Variants in BAZ2B observed in about 807,000 individuals in gnomAD.
BAZ2B encodes the protein bromodomain adjacent to zinc finger domain protein 2B.
Under a neutral mutation model 246.0 loss-of-function variants are expected in BAZ2B, and 91 were observed. That is an observed-to-expected ratio of 0.37 (90% CI 0.31 to 0.44). BAZ2B has a LOEUF of 0.44. BAZ2B is among the 20% of genes least tolerant of loss of function. BAZ2B has a pLI of 1.00. For missense variants in BAZ2B, 2,332 were observed against 2,533.7 expected (o/e 0.92, Z 1.71); for synonymous variants, 855 against 860.0 (o/e 0.99, Z 0.10).
At chr2:159,431,332 A>G (rs2071075287) in intron 9 of BAZ2B, among the ~76,000 whole-genome samples, 176 bp from the exon 10 acceptor site, 2 of 152,218 alleles carry the variant, frequency 1.3e-5, no homozygotes, top group African/African-American at 4.8e-5. Flanking sequence ...TAGGCTATCA[A>G]TCTTCAAAAA....
chr2:159,361,512 A>G (rs1276922180), intron 27 of BAZ2B, among the ~76,000 whole-genome samples: 2 of 152,238 alleles, frequency 1.3e-5, no homozygotes, highest in Admixed American at 6.5e-5. Context: ...GGTAGTGTAC[A>G]TTAGTTCAAC....
intron 2 of BAZ2B, among the ~76,000 whole-genome samples, chr2:159,481,596 A>G (rs1040431882): frequency 6.6e-6 from 1 of 151,976 alleles, no homozygotes; most frequent in Non-Finnish European, 1.5e-5. Context: ...TGGAGAAACA[A>G]CATTACCTAT....
At chr2:159,559,636 G>C (rs1004181066) in intron 1 of BAZ2B, among the ~76,000 whole-genome samples, 1 of 152,118 alleles carries the variant, frequency 6.6e-6, no homozygotes, top group African/African-American at 2.4e-5. Flanking sequence ...CCTCATGGTA[G>C]CAATTTTTAT....
intron 13 of BAZ2B, among the ~76,000 whole-genome samples, chr2:159,427,368 G>A (rs2070140626): frequency 6.6e-6 from 1 of 152,086 alleles, no homozygotes; most frequent in South Asian, 2.1e-4. Context: ...AAAGGGAGCT[G>A]TGGTGATATG....
intron 27 of BAZ2B, among the ~76,000 whole-genome samples, chr2:159,358,046 C>T (rs2059301355): frequency 6.6e-6 from 1 of 152,174 alleles, no homozygotes. Context: ...TATGAAGAAA[C>T]TGCATCAACT....
chr2:159,526,703 T>C (rs1304840325), intron 2 of BAZ2B, among the ~76,000 whole-genome samples: 1 of 152,102 alleles, frequency 6.6e-6, no homozygotes, highest in African/African-American at 2.4e-5. Context: ...AAAATGAATG[T>C]CTTTTGGCAG....
chr2:159,519,210 C>CTTTTTTTTTTTTTTTTTTTTTTT lies in BAZ2B; in HGVS notation c.-3+36590_-3+36612dup, dbSNP rs564614568. On this transcript the variant is annotated intron_variant, in intron 2 of 36. Transcript: ENST00000392783. ...AAATTCCAACTTCATATTCTATTTT[C>CTTTTTTTTTTTTTTTTTTTTTTT]TTTTTTTTTTTTTTTTTTTTTTTTT... 1.4e-4 allele frequency among the ~76,000 whole-genome samples: 8 copies of CTTTTTTTTTTTTTTTTTTTTTTT among 57,770 alleles called. 1 individual carries two copies. The highest frequency in any genetic ancestry group is 2.3e-4 in the Admixed American group (1 of 4,336). 37.9% of individuals were successfully genotyped at this position (57,770 alleles called of 152,430 possible). A position where few individuals can be genotyped will look rare whatever the true frequency, so the allele number is the denominator to read the frequency against.
intron 17 of BAZ2B, among the ~76,000 whole-genome samples, chr2:159,399,471 C>T (rs1169047969): frequency 1.3e-5 from 2 of 151,598 alleles, no homozygotes; most frequent in African/African-American, 4.8e-5. Flanking sequence ...TGGTTAAGTT[C>T]AAGTGTTTTT....
At chr2:159,613,480 C>CT (rs1394754498) in intron 1 of BAZ2B, among the ~76,000 whole-genome samples, 19 of 94,030 alleles carry the variant, frequency 2.0e-4, no homozygotes, top group East Asian at 4.8e-4. Flanking sequence ...AAAAAAAAGA[C>CT]TCTTCATCAT....
At chr2:159,671,927 C>A in the BAZ2B span, among the ~76,000 whole-genome samples, 1 of 152,162 alleles carries the variant, frequency 6.6e-6, no homozygotes, top group Non-Finnish European at 1.5e-5. Context: ...AAGAATACAA[C>A]CATGTTGTCA....
intron 36 of BAZ2B, among the ~76,000 whole-genome samples, chr2:159,323,221 G>C (rs2062950656): frequency 6.6e-6 from 1 of 151,934 alleles, no homozygotes; most frequent in African/African-American, 2.4e-5. Context: ...CTGACTTTAA[G>C]TGATCCATCT....
chr2:159,653,228 C>A, the BAZ2B span, among the ~76,000 whole-genome samples: 4 of 152,194 alleles, frequency 2.6e-5, no homozygotes, highest in Non-Finnish European at 5.9e-5. Flanking sequence ...GCGTGAGCCA[C>A]CACACCTGGC....
intron 1 of BAZ2B, among the ~76,000 whole-genome samples, chr2:159,590,187 C>CAAAAAAAAAAAAAAAAA (rs552786270): frequency 4.9e-5 from 1 of 20,310 alleles, no homozygotes; most frequent in African/African-American, 2.5e-4. Context: ...GACTCCATCT[C>CAAAAAAAAAAAAAAAAA]AAAAAAAAAA....
intron 1 of BAZ2B, among the ~76,000 whole-genome samples, chr2:159,557,395 T>G (rs1293732262): frequency 6.6e-6 from 1 of 152,064 alleles, no homozygotes. Flanking sequence ...CCCACAATAC[T>G]TATTATCATG....
At chr2:159,404,616 T>C (rs2065605840) in intron 16 of BAZ2B, 2 of 436,516 alleles carry the variant, frequency 4.6e-6, no homozygotes, top group African/African-American at 4.1e-5. Context: ...ACCAGGATAT[T>C]AAAGTACTTA....
rs531942903 is a variant in BAZ2B at position 159,490,580 on chromosome 2, GAT to G, written c.-2-11861_-2-11860del. Among the ~76,000 whole-genome samples the G allele has an allele frequency of 3.7e-3, 561 of 152,286 alleles. 1 individual carries two copies. Among genetic ancestry groups the G allele is most frequent in the African/African-American group, 0.013 (528 of 41,566 alleles). On this transcript the variant is annotated intron_variant, in intron 2 of 36. Transcript: ENST00000392783. ...CTCCCAGCCTGGAGTGCAGTGGCGT[GAT>G]CACAGCTTACTGACTGCAGCCTCGA...
At chr2:159,412,039 C>T (rs1232496705) in intron 14 of BAZ2B, 1 of 870,718 alleles carries the variant, frequency 1.1e-6, no homozygotes, top group Non-Finnish European at 1.4e-6. Flanking sequence ...GACCTTAAGG[C>T]ATGTGCCAAG....
At chr2:159,323,527 G>A (rs1394971677) in intron 36 of BAZ2B, among the ~76,000 whole-genome samples, 1 of 152,022 alleles carries the variant, frequency 6.6e-6, no homozygotes, top group Non-Finnish European at 1.5e-5. Flanking sequence ...AAGAGGCTGG[G>A]TGAGGTGGTT....
chr2:159,554,052 G>A (rs1233065268), intron 2 of BAZ2B, among the ~76,000 whole-genome samples: 1 of 152,138 alleles, frequency 6.6e-6, no homozygotes, highest in Non-Finnish European at 1.5e-5. Flanking sequence ...TCACAACAGT[G>A]TCATAACAAA....
Sources: gnomAD v4.1 joint callset for allele counts (sites outside exome capture counted in the v4.1 genomes callset) on GRCh38, gnomAD v4.1.1 for gene constraint, MANE v1.5 for transcripts, NCBI Gene and HGNC (gene_info 2026-07-23, HGNC 2026-07-21) for gene names.